Variants in NLGN1 observed in about 807,000 individuals in gnomAD.
NLGN1 encodes neuroligin 1, also known as neuroligin-1.
A neutral mutation model predicts 65.5 loss-of-function variants in NLGN1; 12 were observed. The observed-to-expected ratio is 0.18, with a 90% CI of 0.12 to 0.30. The LOEUF is 0.30. Ranked by LOEUF, NLGN1 falls within the 10% of genes least tolerant of loss-of-function variation. NLGN1 has a pLI of 1.00. For missense variants in NLGN1, 750 were observed against 1,007.1 expected, an observed-to-expected ratio of 0.74 and a Z score of 3.46; for synonymous variants, 350 against 359.5, an observed-to-expected ratio of 0.97 and a Z score of 0.30.
chr3:173,616,633 A>T (rs1202044726), intron 3 of NLGN1, among the ~76,000 whole-genome samples: 1 of 152,086 alleles, frequency 6.6e-6, no homozygotes, highest in Non-Finnish European at 1.5e-5. Context: ...CTTACTCCCG[A>T]CATTCAGGAC....
intron 4 of NLGN1, among the ~76,000 whole-genome samples, chr3:173,914,700 A>G (rs931877140): frequency 3.3e-5 from 5 of 152,176 alleles, no homozygotes; most frequent in Non-Finnish European, 7.3e-5. Context: ...ACACTGAAAC[A>G]GGAAGAGACT....
At chr3:173,559,696 G>A (rs996743757) in intron 2 of NLGN1, among the ~76,000 whole-genome samples, 2 of 152,054 alleles carry the variant, frequency 1.3e-5, no homozygotes, top group South Asian at 2.1e-4. Flanking sequence ...AATAGAAGTC[G>A]AGATATAACG....
intron 4 of NLGN1, among the ~76,000 whole-genome samples, chr3:174,037,983 A>G (rs1219397266): frequency 6.6e-6 from 1 of 152,172 alleles, no homozygotes; most frequent in East Asian, 1.9e-4. Flanking sequence ...TAATGCCTCC[A>G]GTAATGATAA....
At chr3:173,578,954 A>T (rs142597091) in intron 2 of NLGN1, among the ~76,000 whole-genome samples, 2 of 152,250 alleles carry the variant, frequency 1.3e-5, no homozygotes, top group Non-Finnish European at 2.9e-5. Flanking sequence ...AAATGTATAA[A>T]TTATAGATGT....
chr3:173,639,650 T>A (rs1757102309), intron 3 of NLGN1, among the ~76,000 whole-genome samples: 1 of 152,110 alleles, frequency 6.6e-6, no homozygotes, highest in Non-Finnish European at 1.5e-5. Context: ...TAGCAATGAT[T>A]CTCCTGAACT....
intron 3 of NLGN1, among the ~76,000 whole-genome samples, chr3:173,635,039 A>G (rs1756359336): frequency 1.3e-5 from 2 of 150,260 alleles, no homozygotes. Flanking sequence ...TAGCACATGT[A>G]AAAAAAAGTT....
intron 3 of NLGN1, among the ~76,000 whole-genome samples, chr3:173,639,593 G>T (rs1336834404): frequency 2.6e-5 from 4 of 152,184 alleles, no homozygotes; most frequent in African/African-American, 9.7e-5. Context: ...ATAATTATTA[G>T]ACCAGTTTTA....
chr3:174,029,603 T>A (rs1281941216), intron 4 of NLGN1, among the ~76,000 whole-genome samples: 1 of 152,088 alleles, frequency 6.6e-6, no homozygotes, highest in Non-Finnish European at 1.5e-5. Flanking sequence ...CATACTTGGT[T>A]TTGAAATGTG....
At chr3:173,402,035 C>T (rs560888923) in intron 1 of NLGN1, among the ~76,000 whole-genome samples, 2 of 152,224 alleles carry the variant, frequency 1.3e-5, no homozygotes, top group Non-Finnish European at 2.9e-5. Flanking sequence ...TTGATACTTA[C>T]CAATTATTTA....
At chr3:174,089,848 G>A (rs1744156600) in intron 4 of NLGN1, among the ~76,000 whole-genome samples, 1 of 151,716 alleles carries the variant, frequency 6.6e-6, no homozygotes, top group Admixed American at 6.6e-5. Context: ...GCATTCAGAG[G>A]GCAGAGTAAG....
intron 4 of NLGN1, among the ~76,000 whole-genome samples, chr3:174,142,537 A>G (rs987703711): frequency 6.6e-6 from 1 of 152,188 alleles, no homozygotes; most frequent in Admixed American, 6.5e-5. Context: ...AAGCAGCAGT[A>G]CTGATTTACA....
At chr3:174,005,314 C>G (rs1293103420) in intron 4 of NLGN1, among the ~76,000 whole-genome samples, 3 of 152,156 alleles carry the variant, frequency 2.0e-5, no homozygotes, top group East Asian at 1.9e-4. Context: ...GCTGATGATC[C>G]CTTTAAGTGT....
chr3:173,923,463 C>G (rs891549194), intron 4 of NLGN1, among the ~76,000 whole-genome samples: 1 of 152,086 alleles, frequency 6.6e-6, no homozygotes, highest in Non-Finnish European at 1.5e-5. Flanking sequence ...TTCTTCTTCC[C>G]TCTTTAGAAG....
chr3:173,953,065 C>T (rs1192118168), intron 4 of NLGN1, among the ~76,000 whole-genome samples: 1 of 152,220 alleles, frequency 6.6e-6, no homozygotes, highest in African/African-American at 2.4e-5. Flanking sequence ...AGGCGTGAGC[C>T]ACCGTGCTCA....
chr3:174,197,015 T>C (rs531733677), intron 4 of NLGN1, among the ~76,000 whole-genome samples: 3 of 152,170 alleles, frequency 2.0e-5, no homozygotes, highest in Non-Finnish European at 4.4e-5. Flanking sequence ...TGTCAATTTA[T>C]AACAAAGTCA....
chr3:173,590,101 T>C (rs1305272137), intron 2 of NLGN1, among the ~76,000 whole-genome samples: 1 of 152,156 alleles, frequency 6.6e-6, no homozygotes, highest in Non-Finnish European at 1.5e-5. Context: ...GTTGTGAATA[T>C]TGTGAATGGT....
chr3:173,902,231 A>ATAGG (rs1737514337), intron 4 of NLGN1, among the ~76,000 whole-genome samples: 1 of 151,964 alleles, frequency 6.6e-6, no homozygotes, highest in African/African-American at 2.4e-5. Flanking sequence ...CTCCTCCTGG[A>ATAGG]TAGGATCCAT....
rs777984811 is a variant in NLGN1, at chr3:173,525,712, A to G, written c.-320-78567A>G. Reference sequence around the variant, plus strand: ...TAGGCTGTTAATTTGAGATCTTTCTATCTTTCTGATGTAGGCATTTAATGC... The same window carrying G: ...TAGGCTGTTAATTTGAGATCTTTCTGTCTTTCTGATGTAGGCATTTAATGC... On this transcript the variant is annotated intron_variant, in intron 2 of 6. Coordinates refer to ENST00000457714, the Ensembl canonical transcript of NLGN1. Among the ~76,000 whole-genome samples the G allele has an allele frequency of 4.6e-5, 7 of 152,090 alleles. No homozygotes were observed. The South Asian group carries it at 1.0e-3, about 23-fold the overall frequency.
chr3:173,958,935 C>T (rs531305482), intron 4 of NLGN1, among the ~76,000 whole-genome samples: 3 of 152,306 alleles, frequency 2.0e-5, no homozygotes, highest in South Asian at 2.1e-4. Flanking sequence ...CGCACCTGGC[C>T]GGGTTGTGAC....
Sources: gnomAD v4.1 joint callset for allele counts (sites outside exome capture counted in the v4.1 genomes callset) on GRCh38, gnomAD v4.1.1 for gene constraint, MANE v1.5 for transcripts, NCBI Gene and HGNC (gene_info 2026-07-23, HGNC 2026-07-21) for gene names.